The following TEP1 variants were observed in gnomAD, a reference collection of about 807,000 sequenced individuals.
The protein encoded by TEP1 is telomerase associated protein 1, also known as telomerase protein component 1.
Under a neutral mutation model 306.3 loss-of-function variants are expected in TEP1, and 241 were observed. That is an observed-to-expected ratio of 0.79 (90% CI 0.71 to 0.88). TEP1 has a LOEUF of 0.88. Ranked by LOEUF, TEP1 falls within the 40% of genes least tolerant of loss-of-function variation. The pLI is 0.00. For synonymous variants in TEP1, 1,289 were observed against 1,305.5 expected (o/e 0.99, Z 0.27); for missense variants, 3,051 against 3,276.1 (o/e 0.93, Z 1.68).
chr14:20,376,351 G>A, intron 41 of TEP1, 87 bp from the exon 42 acceptor site: 1 of 1,407,518 alleles, frequency 7.1e-7, no homozygotes, highest in East Asian at 2.4e-5. Context: ...GCGGCCATGG[G>A]GGCTGAGGGT....
chr14:20,380,377 G>T lies in TEP1; in HGVS notation c.4861C>A (p.Pro1621Thr). 1 of 1,614,210 alleles carries T rather than the reference G, an allele frequency of 6.2e-7. No homozygotes were observed. The highest frequency in any genetic ancestry group is 8.5e-7 in the Non-Finnish European group (1 of 1,180,038). ...RQQASILSQY[P>T]RLLPQQAANQ... ...GCTGCCTGCTGGGGCAGGAGCCGGG[G>T]GTACTGGCTGAGGATTGAAGCCTGC... The change falls in exon 34 of 55, where the codon CCC (proline) becomes ACC (threonine). Residue 1621 changes from proline to threonine, a missense_variant. Transcript: ENST00000262715.
chr14:20,394,633 C>T (rs1440208648), intron 12 of TEP1, among the ~76,000 whole-genome samples: 1 of 152,172 alleles, frequency 6.6e-6, no homozygotes, highest in Admixed American at 6.5e-5. Context: ...GCACCCACCA[C>T]CACACCCGGC....
In TEP1 at chr14:20,410,020, CAAAAAAAAAAAAAAA is replaced by C. The variant is rs570672845; in HGVS notation, c.-24-1572_-24-1558del. Among the ~76,000 whole-genome samples the C allele has an allele frequency of 2.4e-3, 144 of 58,942 alleles. 2 individuals carry two copies. Among genetic ancestry groups the C allele is most frequent in the African/African-American group, 7.2e-3 (108 of 14,960 alleles). 38.7% of individuals were successfully genotyped at this position (58,942 alleles called of 152,430 possible). A position where few individuals can be genotyped will look rare whatever the true frequency, so the allele number is the denominator to read the frequency against. ...TGGGCGACAGAGCAAGACTCTGTCT[CAAAAAAAAAAAAAAA>C]AAAAAAAAAAAAAAAAAAAAATGCC... On this transcript the variant is annotated intron_variant, in intron 1 of 54. Transcript: ENST00000262715.
rs759914003 is a variant in TEP1 at position 20,386,576 on chromosome 14, T to G, written c.2732A>C (p.His911Pro). The change falls in exon 19 of 55, where the codon CAT (histidine) becomes CCT (proline). Residue 911 changes from histidine to proline, a missense_variant. Physicochemically the swap from His to Pro is moderately conservative, Grantham distance 77. Coordinates refer to ENST00000262715, the MANE Select transcript of TEP1 (RefSeq NM_007110.5). ...LFISSTFRDM[H>P]GERDLLLRSV... ...CCTCAGCAGCAGGTCCCGCTCCCCA[T>G]GCATGTCTCGGAAAGTGGATGAAAT... 117 of 1,608,748 alleles carry G rather than the reference T, an allele frequency of 7.3e-5. 2 individuals carry two copies. The highest frequency in any genetic ancestry group is 9.4e-5 in the Non-Finnish European group (110 of 1,176,466).
chr14:20,390,981 T>C lies in TEP1; in HGVS notation c.2213A>G (p.Glu738Gly). Residue 738 changes from glutamate (E) to glycine (G), a missense_variant, in exon 14 of 55, where the codon GAA becomes GGA. By Grantham distance (98) the Glu-to-Gly change is moderately conservative (BLOSUM62 -2). Transcript: ENST00000262715. ...TLKTAVLKAE[E>G]GILKTAIKLQ... ...CTTGATGGCAGTCTTCAGGATGCCT[T>C]CTTCTGCCTTAAGCACTGCAGTCTT... 1.2e-6 allele frequency: 2 copies of C among 1,614,164 alleles called. No homozygotes were observed. Among genetic ancestry groups the C allele is most frequent in the Non-Finnish European group, 1.7e-6 (2 of 1,180,038 alleles).
At chr14:20,377,554 C>A in intron 40 of TEP1, 46 bp downstream of exon 40, 1 of 1,613,260 alleles carries the variant, frequency 6.2e-7, no homozygotes, top group Admixed American at 1.7e-5. Flanking sequence ...GCAGGGGCTG[C>A]GCTCTTTCTA....
chr14:20,378,408 A>T lies in TEP1; in HGVS notation c.5480T>A (p.Phe1827Tyr), dbSNP rs757784132. Residue 1827 changes from phenylalanine to tyrosine, a missense_variant, in exon 38 of 55, where the codon TTC (phenylalanine) becomes TAC (tyrosine). Phe to Tyr is a conservative substitution (Grantham distance 22). Transcript: ENST00000262715. ...GGTGACTTTGAGCCCATCCACCTGG[A>T]AGAAGCTGATGCTGCCAGCCCAGCT... is the stretch of plus-strand genomic sequence containing the variant. ...TGSWAGSISF[F>Y]QVDGLKVTKD... The T allele has an allele frequency of 1.1e-5, 17 of 1,614,186 alleles. No homozygotes were observed. The East Asian group carries it at 3.3e-4, about 32-fold the overall frequency.
Position 20,390,955 on chromosome 14 carries a change from G to T in TEP1, c.2239C>A (p.Leu747Ile). 6.2e-7 allele frequency: 1 copy of T among 1,614,106 alleles called. No homozygotes were observed. Among genetic ancestry groups the T allele is most frequent in the South Asian group, 1.1e-5 (1 of 91,076 alleles). ...TGTCTGACCTGGACTTGAGCCTGGA[G>T]CTTGATGGCAGTCTTCAGGATGCCT... ...EEGILKTAIKLQAQVQEFDEN... is the reference protein window; with the variant it reads ...EEGILKTAIKIQAQVQEFDEN... Residue 747 changes from leucine (L) to isoleucine (I), a missense_variant, in exon 14 of 55, where the codon CTC becomes ATC. Physicochemically the swap from Leu to Ile is conservative, Grantham distance 5 (BLOSUM62 2). This residue lies in a region of TEP1 where 1,507 missense variants were observed against 1,550.5 expected (regional missense o/e 0.97). Transcript: ENST00000262715.
intron 1 of TEP1, among the ~76,000 whole-genome samples, chr14:20,412,157 T>C (rs758888314): frequency 3.9e-5 from 6 of 152,184 alleles, no homozygotes; most frequent in Admixed American, 1.3e-4. Flanking sequence ...TGGACGTCAG[T>C]GTGACAAACA....
chr14:20,377,014 G>A (rs564158499), intron 41 of TEP1, among the ~76,000 whole-genome samples: 107 of 152,196 alleles, frequency 7.0e-4, no homozygotes, highest in African/African-American at 2.4e-3. Context: ...TCAGGAGTTC[G>A]AGACCAGCAT....
chr14:20,374,221 C>G (rs898086733), intron 44 of TEP1, among the ~76,000 whole-genome samples: 3 of 151,958 alleles, frequency 2.0e-5, no homozygotes, highest in Non-Finnish European at 4.4e-5. Context: ...TCCTGAGTAG[C>G]TAGAACTACA....
intron 4 of TEP1, 111 bp downstream of exon 4, chr14:20,405,340 G>C: frequency 1.5e-6 from 2 of 1,363,352 alleles, no homozygotes; most frequent in Non-Finnish European, 1.0e-6. Flanking sequence ...CTTCCTAAGA[G>C]AAGCTCCTCC....
At chr14:20,400,188 A>G (rs1878557170) in intron 9 of TEP1, among the ~76,000 whole-genome samples, 1 of 149,838 alleles carries the variant, frequency 6.7e-6, no homozygotes, top group Admixed American at 6.7e-5. Flanking sequence ...ACCGGCTTCT[A>G]TCCAGGCCCC....
intron 12 of TEP1, among the ~76,000 whole-genome samples, chr14:20,394,745 C>T (rs1392781508): frequency 3.9e-5 from 6 of 152,066 alleles, no homozygotes; most frequent in South Asian, 2.1e-4. Flanking sequence ...CCACCTGCCT[C>T]GGCCTCCCAA....
chr14:20,375,868 T>C lies in TEP1; in HGVS notation c.6250A>G (p.Ser2084Gly). ...GSLATGGRDR[S>G]LLCWDVRTPK... ...GTCCTCACGTCCCAGCAGAGGAGAC[T>C]CTGGATAGGCCCCAAGGAGAGGGAG... The change falls in exon 43 of 55, where the codon AGT (serine) becomes GGT (glycine). Residue 2084 changes from serine (S) to glycine (G), a missense_variant and splice_region_variant. By Grantham distance (56) the Ser-to-Gly change is moderately conservative. Coordinates refer to ENST00000262715, the MANE Select transcript of TEP1 (RefSeq NM_007110.5). 1 of 1,607,744 alleles carries C rather than the reference T, an allele frequency of 6.2e-7. No individual in the cohort carries two copies. Among genetic ancestry groups the C allele is most frequent in the Admixed American group, 1.7e-5 (1 of 60,002 alleles).
intron 9 of TEP1, chr14:20,400,771 C>A (rs576376917): frequency 7.0e-6 from 4 of 572,626 alleles, no homozygotes; most frequent in Non-Finnish European, 1.2e-5. Flanking sequence ...CACCTAACTA[C>A]ATCTGGTATA....
chr14:20,368,894 C>T lies in TEP1; in HGVS notation c.7665G>A (p.Ser2555=), dbSNP rs2228034. ...LKTRQRRKIH[S]GSVTALHVLP... ...GCACATGGAGGGCTGTGACAGAGCCCGAGTGAATCTCAAAGAGGAAAGGGG... is the reference window on the plus strand; with the variant it reads ...GCACATGGAGGGCTGTGACAGAGCCTGAGTGAATCTCAAAGAGGAAAGGGG... The change falls in exon 54 of 55, where the codon TCG becomes TCA. Residue 2555 remains serine (S), a synonymous_variant. Coordinates refer to ENST00000262715, the MANE Select transcript of TEP1 (RefSeq NM_007110.5). The T allele has an allele frequency of 4.6e-3, 7,401 of 1,613,320 alleles. 300 individuals are homozygous for T. In the African/African-American group the frequency reaches 0.084, roughly 18 times the overall value.
chr14:20,389,459 GCTAAAGTATCCA>G, intron 16 of TEP1, 139 bp downstream of exon 16: 2 of 1,429,178 alleles, frequency 1.4e-6, no homozygotes, highest in Non-Finnish European at 1.9e-6. Flanking sequence ...ACAGAGTTAG[GCTAAAGTATCCA>G]CCTGAAGTGC....
chr14:20,372,148 C>T (rs1387654122), intron 49 of TEP1, among the ~76,000 whole-genome samples: 3 of 152,168 alleles, frequency 2.0e-5, no homozygotes, highest in Non-Finnish European at 4.4e-5. Flanking sequence ...AATTCCATTT[C>T]CCTTACTCCC....
Sources: gnomAD v4.1 joint callset for allele counts (sites outside exome capture counted in the v4.1 genomes callset) on GRCh38, gnomAD v4.1.1 for gene constraint, gnomAD v4.1.1 regional missense constraint, MANE v1.5 for transcripts, NCBI Gene and HGNC (gene_info 2026-07-23, HGNC 2026-07-21) for gene names.